The following DCC variants were observed in gnomAD, a reference collection of about 807,000 sequenced individuals.
The protein encoded by DCC is netrin receptor DCC.
Under a neutral mutation model 172.5 loss-of-function variants are expected in DCC, and 58 were observed. That is an observed-to-expected ratio of 0.34 (90% CI 0.27 to 0.42). The LOEUF is 0.42. Among genes scored for constraint, DCC ranks in the 10% least tolerant of loss-of-function variants. DCC has a pLI of 1.00. For missense variants in DCC, 1,740 were observed against 1,791.0 expected (o/e 0.97, Z 0.51); for synonymous variants, 709 against 644.5 (o/e 1.10, Z -1.52).
At chr18:53,232,948 C>T (rs72923287) in intron 12 of DCC, among the ~76,000 whole-genome samples, 72,321 of 117,176 alleles carry the variant, frequency 0.62, 18,324 homozygotes, top group Non-Finnish European at 0.67. Flanking sequence ...TTTTTTTTTC[C>T]CCAGGTATTA....
At chr18:52,678,910 T>A (rs1293862751) in intron 1 of DCC, among the ~76,000 whole-genome samples, 2 of 152,082 alleles carry the variant, frequency 1.3e-5, no homozygotes, top group Non-Finnish European at 2.9e-5. Context: ...CAGCTGGTGA[T>A]AGATTCACAT....
intron 1 of DCC, among the ~76,000 whole-genome samples, chr18:52,747,309 G>A (rs1462324457): frequency 1.3e-5 from 2 of 152,134 alleles, no homozygotes; most frequent in Non-Finnish European, 2.9e-5. Flanking sequence ...TATGAAGCAA[G>A]GCTTGGAAAT....
chr18:52,448,720 T>C (rs1988207701), intron 1 of DCC, among the ~76,000 whole-genome samples: 1 of 152,230 alleles, frequency 6.6e-6, no homozygotes, highest in Admixed American at 6.5e-5. Flanking sequence ...ATAATCCATA[T>C]ACAGTTTTTA....
At chr18:52,607,800 A>G (rs1479724642) in intron 1 of DCC, among the ~76,000 whole-genome samples, 1 of 152,190 alleles carries the variant, frequency 6.6e-6, no homozygotes, top group East Asian at 1.9e-4. Flanking sequence ...TGTAAAAATG[A>G]TGCAAAAAGC....
At chr18:52,546,101 T>C (rs1318452400) in intron 1 of DCC, among the ~76,000 whole-genome samples, 1 of 152,194 alleles carries the variant, frequency 6.6e-6, no homozygotes, top group Non-Finnish European at 1.5e-5. Context: ...TCATGTGGCT[T>C]GCACTTGATT....
chr18:52,487,143 G>T (rs959622989), intron 1 of DCC, among the ~76,000 whole-genome samples: 2 of 152,150 alleles, frequency 1.3e-5, no homozygotes, highest in Non-Finnish European at 2.9e-5. Context: ...GTTGGTGGAT[G>T]AAGATACCTG....
intron 5 of DCC, among the ~76,000 whole-genome samples, chr18:53,058,964 G>A (rs1395893613): frequency 6.6e-6 from 1 of 152,034 alleles, no homozygotes; most frequent in African/African-American, 2.4e-5. Flanking sequence ...CTGAGACTGG[G>A]CAATTTATAA....
chr18:53,498,865 TTGACA>T (rs1384814147), intron 26 of DCC, among the ~76,000 whole-genome samples: 2 of 152,224 alleles, frequency 1.3e-5, no homozygotes, highest in African/African-American at 4.8e-5. Flanking sequence ...TGTTTGACAG[TTGACA>T]TGGCATGTTT....
intron 16 of DCC, among the ~76,000 whole-genome samples, chr18:53,386,498 A>G (rs1449636141): frequency 1.3e-5 from 2 of 152,136 alleles, no homozygotes; most frequent in East Asian, 1.9e-4. Flanking sequence ...AATCAATGCC[A>G]TCTTTGTCCC....
intron 1 of DCC, among the ~76,000 whole-genome samples, chr18:52,346,462 C>A (rs1429668070): frequency 6.6e-6 from 1 of 152,112 alleles, no homozygotes; most frequent in South Asian, 2.1e-4. Context: ...CAAATTTTAG[C>A]CTGAGGTTTA....
chr18:52,883,660 G>T (rs1288776499), intron 2 of DCC, among the ~76,000 whole-genome samples: 1 of 151,648 alleles, frequency 6.6e-6, no homozygotes, highest in Non-Finnish European at 1.5e-5. Context: ...TGTACTTATT[G>T]TACTCTTGAA....
intron 21 of DCC, among the ~76,000 whole-genome samples, chr18:53,434,465 C>T (rs1326861335): frequency 6.6e-6 from 1 of 152,098 alleles, no homozygotes; most frequent in Non-Finnish European, 1.5e-5. Flanking sequence ...TGGTGAATTC[C>T]TGGCTTATTT....
chr18:53,521,164 G>T (rs2046395011), intron 27 of DCC, among the ~76,000 whole-genome samples: 1 of 152,100 alleles, frequency 6.6e-6, no homozygotes, highest in Non-Finnish European at 1.5e-5. Context: ...ACTCTGTGCG[G>T]TCTTTGAGCC....
At chr18:53,094,929 TTTAGATAATCTAC>T (rs1434836379) in intron 7 of DCC, among the ~76,000 whole-genome samples, 2 of 152,208 alleles carry the variant, frequency 1.3e-5, no homozygotes, top group Non-Finnish European at 2.9e-5. Flanking sequence ...ATAACATTAA[TTTAGATAATCTAC>T]TCTAGAACTC....
At chr18:53,071,691 G>A (rs1437485125) in intron 7 of DCC, among the ~76,000 whole-genome samples, 1 of 152,146 alleles carries the variant, frequency 6.6e-6, no homozygotes, top group African/African-American at 2.4e-5. Flanking sequence ...CTTAGATCTG[G>A]GGACAGAGTT....
intron 12 of DCC, among the ~76,000 whole-genome samples, chr18:53,247,976 A>G (rs1018343579): frequency 6.6e-6 from 1 of 151,994 alleles, no homozygotes; most frequent in Non-Finnish European, 1.5e-5. Context: ...CCTTTCAGCC[A>G]TACATGTCAA....
chr18:53,178,629 C>T (rs1454388790), intron 8 of DCC, among the ~76,000 whole-genome samples: 3 of 152,176 alleles, frequency 2.0e-5, no homozygotes, highest in Non-Finnish European at 2.9e-5. Flanking sequence ...TGTCTACATT[C>T]CAGATGTTTC....
In DCC at chr18:53,410,574, T is replaced by G; in HGVS notation, c.3058T>G (p.Phe1020Val). Residue 1020 changes from phenylalanine to valine, a missense_variant, in exon 20 of 29, where the codon TTT becomes GTT. Around this residue, in one of 2 missense-constraint regions of DCC, gnomAD observed 1,732 missense variants for 1,767.4 expected, o/e 0.98. Coordinates refer to ENST00000442544, the MANE Select transcript of DCC (RefSeq NM_005215.4). ...MDLNLDTMYYFRIQARNSKGV... is the reference protein window; with the variant it reads ...MDLNLDTMYYVRIQARNSKGV... ...TCTCAACCTTGATACTATGTATTAC[T>G]TTCGAATTCAAGCACGAAATTCAAA... 1 of 1,611,410 alleles carries G rather than the reference T, an allele frequency of 6.2e-7. No homozygotes were observed. The highest frequency in any genetic ancestry group is 8.5e-7 in the Non-Finnish European group (1 of 1,177,484).
intron 28 of DCC, among the ~76,000 whole-genome samples, chr18:53,528,257 T>C (rs1258340359): frequency 1.2e-4 from 18 of 152,126 alleles, no homozygotes; most frequent in Admixed American, 1.2e-3. Context: ...TTTAACGACA[T>C]AGAGATCAGG....
Sources: allele counts gnomAD v4.1 joint callset (sites outside exome capture counted in the v4.1 genomes callset), GRCh38; gene constraint gnomAD v4.1.1; regional missense constraint gnomAD v4.1.1; transcripts MANE v1.5; gene names NCBI Gene and HGNC (gene_info 2026-07-23, HGNC 2026-07-21).